The following IMMP1L variants were observed in gnomAD, a reference collection of about 807,000 sequenced individuals.
IMMP1L encodes inner mitochondrial membrane peptidase subunit 1, also known as mitochondrial inner membrane protease subunit 1.
A neutral mutation model predicts 21.8 loss-of-function variants in IMMP1L; 24 were observed. That is an observed-to-expected ratio of 1.10 (90% CI 0.80 to 1.55). IMMP1L has a LOEUF of 1.55. IMMP1L is among the 40% of genes most tolerant of loss of function. The pLI is 0.00. For synonymous variants in IMMP1L, 46 were observed against 62.8 expected (o/e 0.73, Z 1.26); for missense variants, 195 against 200.7 (o/e 0.97, Z 0.17).
At chr11:31,491,146 T>C (rs550774952) in intron 1 of IMMP1L, among the ~76,000 whole-genome samples, 3 of 152,320 alleles carry the variant, frequency 2.0e-5, no homozygotes, top group East Asian at 1.9e-4. Flanking sequence ...AGAACTAACA[T>C]AGATTTTCAT....
chr11:31,467,338 T>C (rs1246017233), intron 1 of IMMP1L, among the ~76,000 whole-genome samples: 1 of 152,154 alleles, frequency 6.6e-6, no homozygotes, highest in South Asian at 2.1e-4. Context: ...AATGACACTA[T>C]AGTACTTATG....
At chr11:31,469,720 ACT>A (rs1417939640) in intron 1 of IMMP1L, 1 of 152,246 alleles carries the variant, frequency 6.6e-6, no homozygotes, top group Non-Finnish European at 1.5e-5. Context: ...TAACTCACAA[ACT>A]CAAGAAATTC....
intron 4 of IMMP1L, chr11:31,449,037 C>T (rs1953644747): frequency 1.0e-6 from 1 of 985,208 alleles, no homozygotes; most frequent in African/African-American, 1.7e-5. Context: ...GATTGATTAT[C>T]CTAGGAGCCG....
intron 1 of IMMP1L, among the ~76,000 whole-genome samples, chr11:31,490,469 T>C (rs1040425477): frequency 7.6e-6 from 1 of 131,772 alleles, no homozygotes; most frequent in Non-Finnish European, 1.6e-5. Flanking sequence ...AGACTCCATC[T>C]AAAAAAAAAA....
intron 1 of IMMP1L, among the ~76,000 whole-genome samples, chr11:31,471,385 T>C (rs1954545815): frequency 6.6e-6 from 1 of 152,204 alleles, no homozygotes; most frequent in South Asian, 2.1e-4. Flanking sequence ...AGGTATGTCA[T>C]GTATCCAGGA....
intron 3 of IMMP1L, among the ~76,000 whole-genome samples, chr11:31,458,716 G>A (rs1378327784): frequency 6.6e-6 from 1 of 152,128 alleles, no homozygotes; most frequent in Non-Finnish European, 1.5e-5. Context: ...GGCTATCTTG[G>A]CTCTAAAAGT....
intron 1 of IMMP1L, among the ~76,000 whole-genome samples, chr11:31,482,376 A>C (rs1026896932): frequency 6.6e-6 from 1 of 152,096 alleles, no homozygotes; most frequent in Non-Finnish European, 1.5e-5. Flanking sequence ...TAAAGACTTA[A>C]ACTTCTGTTC....
chr11:31,447,711 G>A (rs1170393868), intron 4 of IMMP1L, among the ~76,000 whole-genome samples: 2 of 152,180 alleles, frequency 1.3e-5, no homozygotes, highest in Admixed American at 1.3e-4. Context: ...CTAACGTCCA[G>A]ATTGGCAGTG....
chr11:31,452,481 T>C (rs1262795432), intron 4 of IMMP1L: 1 of 985,344 alleles, frequency 1.0e-6, no homozygotes, highest in Non-Finnish European at 1.2e-6. Context: ...TCATTTTATT[T>C]ATTTCTTATT....
intron 3 of IMMP1L, among the ~76,000 whole-genome samples, 176 bp from the exon 4 acceptor site, chr11:31,456,562 A>C (rs527332663): frequency 3.3e-5 from 5 of 152,148 alleles, no homozygotes; most frequent in Non-Finnish European, 4.4e-5. Context: ...TGAATACTTT[A>C]GGTGAGAATC....
chr11:31,479,744 T>C (rs1954831302), intron 1 of IMMP1L, among the ~76,000 whole-genome samples: 1 of 152,054 alleles, frequency 6.6e-6, no homozygotes, highest in Admixed American at 6.6e-5. Flanking sequence ...ATTCATATTA[T>C]GTTTCTAATG....
chr11:31,486,906 T>C (rs1392501376), intron 1 of IMMP1L, among the ~76,000 whole-genome samples: 1 of 151,884 alleles, frequency 6.6e-6, no homozygotes, highest in Non-Finnish European at 1.5e-5. Flanking sequence ...ATATTAAAAA[T>C]TGTATAAATA....
At chr11:31,451,890 T>A (rs1312025784) in intron 4 of IMMP1L, among the ~76,000 whole-genome samples, 1 of 151,958 alleles carries the variant, frequency 6.6e-6, no homozygotes, top group South Asian at 2.1e-4. Context: ...GAGGAACCAA[T>A]AAAGGAAATT....
chr11:31,477,110 A>AT (rs1303945950), intron 1 of IMMP1L: 2 of 152,188 alleles, frequency 1.3e-5, no homozygotes, highest in African/African-American at 2.4e-5. Context: ...AGGTGTCTAT[A>AT]TATTTCAAAT....
At chr11:31,507,387 T>C (rs1043705658) in intron 1 of IMMP1L, among the ~76,000 whole-genome samples, 3 of 152,188 alleles carry the variant, frequency 2.0e-5, no homozygotes, top group Non-Finnish European at 2.9e-5. Context: ...TCCAGAATTA[T>C]AGTCCAAGTC....
chr11:31,444,147 T>C (rs1318720409), intron 4 of IMMP1L, among the ~76,000 whole-genome samples: 1 of 152,174 alleles, frequency 6.6e-6, no homozygotes, highest in Non-Finnish European at 1.5e-5. Flanking sequence ...GTTAAGCACC[T>C]TGGGCAAGTT....
chr11:31,487,857 T>A (rs1434733036), intron 1 of IMMP1L, among the ~76,000 whole-genome samples: 6 of 152,060 alleles, frequency 3.9e-5, no homozygotes, highest in African/African-American at 1.4e-4. Flanking sequence ...AACAAGACTA[T>A]CAGTACTTTC....
intron 1 of IMMP1L, among the ~76,000 whole-genome samples, chr11:31,484,435 T>C (rs1002481200): frequency 1.3e-5 from 2 of 151,884 alleles, no homozygotes; most frequent in African/African-American, 2.4e-5. Flanking sequence ...CAAATGTTCA[T>C]ATAGAAAAAA....
rs755501262 is a variant in IMMP1L, at chr11:31,460,638, T to C, written c.182A>G (p.Tyr61Cys). 37 of 1,602,590 alleles carry C rather than the reference T, an allele frequency of 2.3e-5. No individual in the cohort carries two copies. In the South Asian group the frequency reaches 2.3e-4, roughly 10 times the overall value. ...GACAGAAATTTACCTTTGGATACCA[T>C]AAAAATGTCGACTAAGATTTTCTGC... is the stretch of plus-strand genomic sequence containing the variant. The part of the protein sequence containing the change: ...VFAENLSRHF[Y>C]GIQRGDIVIA... Residue 61 changes from tyrosine (Y) to cysteine (C), a missense_variant, in exon 3 of 6, where the codon TAT becomes TGT. Coordinates refer to ENST00000532287, the MANE Select transcript of IMMP1L (RefSeq NM_001304274.2).
Sources: allele counts gnomAD v4.1 joint callset (sites outside exome capture counted in the v4.1 genomes callset), GRCh38; gene constraint gnomAD v4.1.1; transcripts MANE v1.5; gene names NCBI Gene and HGNC (gene_info 2026-07-23, HGNC 2026-07-21).